PTPRB: variants seen among roughly 807,000 people sequenced by gnomAD.
PTPRB encodes receptor-type tyrosine-protein phosphatase beta.
PTPRB carries 97 observed loss-of-function variants against 238.1 expected under a neutral mutation model. That is an observed-to-expected ratio of 0.41 (90% CI 0.35 to 0.48). PTPRB has a LOEUF of 0.48. Ranked by LOEUF, PTPRB falls within the 20% of genes least tolerant of loss-of-function variation. The pLI is 0.30. For synonymous variants in PTPRB, 970 were observed against 995.4 expected, an observed-to-expected ratio of 0.97 and a Z score of 0.48; for missense variants, 2,292 against 2,681.9, an observed-to-expected ratio of 0.85 and a Z score of 3.21.
chr12:70,559,095 T>TATA (rs1426669705), intron 18 of PTPRB: 1 of 592,630 alleles, frequency 1.7e-6, no homozygotes, highest in Non-Finnish European at 3.0e-6. Flanking sequence ...ACACCCAAAA[T>TATA]ATAATGTCTA....
intron 4 of PTPRB, among the ~76,000 whole-genome samples, chr12:70,597,642 T>C (rs576360900): frequency 2.0e-5 from 3 of 152,296 alleles, no homozygotes; most frequent in African/African-American, 7.2e-5. Context: ...TCAGGTCAGA[T>C]ATTATAATGG....
chr12:70,539,847 G>A lies in PTPRB; in HGVS notation c.5679-3C>T. 1.3e-6 allele frequency: 2 copies of A among 1,582,378 alleles called. No homozygotes were observed. The highest frequency in any genetic ancestry group is 2.2e-5 in the East Asian group (1 of 44,738). On this transcript the variant is annotated splice_polypyrimidine_tract_variant and splice_region_variant and intron_variant, in intron 24 of 33. Transcript: ENST00000334414. Reference sequence around the variant, plus strand: ...CTTACCAAGAAGTTTTCCGGTTACTGTGAAGAGAAGCCAAAAGAGGAAGAC... The same window carrying A: ...CTTACCAAGAAGTTTTCCGGTTACTATGAAGAGAAGCCAAAAGAGGAAGAC...
intron 4 of PTPRB, among the ~76,000 whole-genome samples, chr12:70,601,069 T>G (rs1043001475): frequency 6.6e-6 from 1 of 152,106 alleles, no homozygotes; most frequent in South Asian, 2.1e-4. Flanking sequence ...GGTTTCATTG[T>G]GTTGGCCAGG....
chr12:70,620,594 T>C (rs1209276032), intron 3 of PTPRB, among the ~76,000 whole-genome samples: 1 of 152,206 alleles, frequency 6.6e-6, no homozygotes, highest in Non-Finnish European at 1.5e-5. Context: ...GAATGGAAGT[T>C]TTGGCTAGGC....
intron 2 of PTPRB, among the ~76,000 whole-genome samples, chr12:70,631,256 G>A (rs1180790466): frequency 6.6e-6 from 1 of 152,128 alleles, no homozygotes; most frequent in South Asian, 2.1e-4. Context: ...ACCGAACAGA[G>A]CCCTCAGAAA....
chr12:70,527,898 T>A (rs1872644451), intron 32 of PTPRB: 1 of 152,206 alleles, frequency 6.6e-6, no homozygotes, highest in African/African-American at 2.4e-5. Flanking sequence ...AGCACCAGGG[T>A]TTCTGAGCCT....
chr12:70,597,245 A>G (rs1310973834), intron 4 of PTPRB, among the ~76,000 whole-genome samples: 1 of 152,096 alleles, frequency 6.6e-6, no homozygotes, highest in Non-Finnish European at 1.5e-5. Context: ...GGTTTTTAAA[A>G]TCTCAATTTT....
At chr12:70,625,409 T>C (rs1182062934) in intron 2 of PTPRB, among the ~76,000 whole-genome samples, 2 of 152,122 alleles carry the variant, frequency 1.3e-5, no homozygotes, top group Admixed American at 6.6e-5. Context: ...TGATTCCTAA[T>C]ATACATGTAC....
At chr12:70,634,639 G>T (rs1885601252) in intron 2 of PTPRB, among the ~76,000 whole-genome samples, 1 of 152,090 alleles carries the variant, frequency 6.6e-6, no homozygotes, top group Admixed American at 6.5e-5. Context: ...TGATTCTTAG[G>T]CAAGCCATGG....
chr12:70,525,747 C>G lies in PTPRB; in HGVS notation c.6505-1156G>C, dbSNP rs533572785. The stretch of plus-strand genomic sequence containing the variant: ...CGGAACCTTCCCTTGCTGATAACTT[C>G]CCTTGCTGAGCAACTGCTCAGAGGG... On this transcript the variant is annotated intron_variant, in intron 32 of 33. Transcript: ENST00000334414. 4.6e-5 allele frequency among the ~76,000 whole-genome samples: 7 copies of G among 152,294 alleles called. No individual in the cohort carries two copies. The South Asian group carries it at 1.5e-3, about 32-fold the overall frequency.
chr12:70,630,406 A>T (rs1406071069), intron 2 of PTPRB, among the ~76,000 whole-genome samples: 2 of 152,226 alleles, frequency 1.3e-5, no homozygotes, highest in Non-Finnish European at 2.9e-5. Context: ...CTAGGTATTG[A>T]TGGAACAGAT....
Position 70,609,905 on chromosome 12 carries a change from C to T in PTPRB, c.709-566G>A, listed in dbSNP as rs1884313970. On this transcript the variant is annotated intron_variant, in intron 3 of 33. Coordinates refer to ENST00000334414, the MANE Select transcript of PTPRB (RefSeq NM_001109754.4). Reference sequence around the variant, plus strand: ...GGCAGGGGGTCACCTGTTGCGCGCGCTCAGCGCGCCCCGTGGGCGCAGCGC... The same window carrying T: ...GGCAGGGGGTCACCTGTTGCGCGCGTTCAGCGCGCCCCGTGGGCGCAGCGC... The T allele has an allele frequency of 6.5e-6, 8 of 1,232,678 alleles. No individual in the cohort carries two copies. The South Asian group carries it at 1.3e-4, about 19-fold the overall frequency. 76.4% of individuals were successfully genotyped at this position (1,232,678 alleles called of 1,614,324 possible).
At chr12:70,562,655 C>T (rs984722893) in intron 16 of PTPRB, among the ~76,000 whole-genome samples, 189 bp downstream of exon 16, 3 of 152,096 alleles carry the variant, frequency 2.0e-5, no homozygotes, top group African/African-American at 7.2e-5. Flanking sequence ...GAAGCCAGTG[C>T]AAAAACTAGC....
rs35887706 is a variant in PTPRB, at chr12:70,579,695, CAA to C, written c.2578+1339_2578+1340del. On this transcript the variant is annotated intron_variant, in intron 10 of 33. Transcript: ENST00000334414. ...CTGGCGACAAAATGAGACTCCATCT[CAA>C]AAAAAAAAAAAAAAAAAAGAAACAT... Among the ~76,000 whole-genome samples, 463 of 90,968 alleles carry C rather than the reference CAA, an allele frequency of 5.1e-3. 2 individuals are homozygous for C. Among genetic ancestry groups the C allele is most frequent in the African/African-American group, 0.015 (374 of 24,612 alleles). The allele number at this position is 90,968 out of a possible 152,430, so 59.7% of individuals were successfully genotyped here. A position where few individuals can be genotyped will look rare whatever the true frequency, so the allele number is the denominator to read the frequency against.
At chr12:70,632,430 G>C (rs1027727338) in intron 2 of PTPRB, among the ~76,000 whole-genome samples, 15 of 151,914 alleles carry the variant, frequency 9.9e-5, no homozygotes, top group Admixed American at 7.2e-4. Flanking sequence ...TCCTGTCGGG[G>C]GGTGGGGGAC....
chr12:70,623,334 A>G (rs17108431), intron 2 of PTPRB, among the ~76,000 whole-genome samples: 10,665 of 152,234 alleles, frequency 0.07, 555 homozygotes, highest in East Asian at 0.19. Context: ...TGCAAGGCTG[A>G]ATTGCCCATA....
In PTPRB at chr12:70,516,444, A is replaced by C. The variant is rs1871203842; in HGVS notation, c.*5045T>G. 2 of 152,318 alleles carry C rather than the reference A, an allele frequency of 1.3e-5. No homozygotes were observed. The highest frequency in any genetic ancestry group is 4.1e-4 in the South Asian group (2 of 4,824). The allele number at this position is 152,318 out of a possible 1,614,324, so 9.4% of individuals were successfully genotyped here. A position where few individuals can be genotyped will look rare whatever the true frequency, so the allele number is the denominator to read the frequency against. On this transcript the variant is annotated 3_prime_UTR_variant, in exon 34 of 34. Transcript: ENST00000334414. ...TACTCTTCCAGTAGAGCACTGGTGC[A>C]CCCTCTTGTCAGTGTGGCAGACTAG...
At position 70,524,517 on chromosome 12, in the gene PTPRB, G is replaced by A. The variant is rs372767910; in HGVS notation, c.6579C>T (p.Asn2193=). 38 of 1,613,328 alleles carry A rather than the reference G, an allele frequency of 2.4e-5. No individual in the cohort carries two copies. Among genetic ancestry groups the A allele is most frequent in the Non-Finnish European group, 3.2e-5 (38 of 1,179,564 alleles). ...CATTTTCATAGATTGGAAACAAGGG[G>A]TTTTCTTGTTCACTCCGTAGCTTTC... ...RARKLRSEQE[N]PLFPIYENVN... is the part of the protein sequence containing the mutation. Residue 2193 remains asparagine, a synonymous_variant, in exon 33 of 34, where the codon AAC becomes AAT. Coordinates refer to ENST00000334414, the MANE Select transcript of PTPRB (RefSeq NM_001109754.4).
At chr12:70,623,776 A>G (rs2136584290) in intron 2 of PTPRB, among the ~76,000 whole-genome samples, 1 of 152,276 alleles carries the variant, frequency 6.6e-6, no homozygotes, top group African/African-American at 2.4e-5. Context: ...TTATTATACA[A>G]CTACTATGTG....
Sources: gnomAD v4.1 joint callset for allele counts (sites outside exome capture counted in the v4.1 genomes callset) on GRCh38, gnomAD v4.1.1 for gene constraint, MANE v1.5 for transcripts, NCBI Gene and HGNC (gene_info 2026-07-23, HGNC 2026-07-21) for gene names.